PSKH1: variants seen among roughly 807,000 people sequenced by gnomAD.
The protein encoded by PSKH1 is protein serine kinase H1, also known as serine/threonine-protein kinase H1.
A neutral mutation model predicts 26.7 loss-of-function variants in PSKH1; 12 were observed. The ratio of observed to expected loss-of-function variants is 0.45; its 90% CI spans 0.29 to 0.73. PSKH1 has a LOEUF of 0.73. Ranked by LOEUF, PSKH1 falls within the 30% of genes least tolerant of loss-of-function variation. The probability of loss-of-function intolerance (pLI) is 0.11; values close to 1 mark genes in which losing one functional copy is unlikely to be tolerated. For synonymous variants in PSKH1, 213 were observed against 234.3 expected (o/e 0.91, Z 0.83); for missense variants, 431 against 595.2 (o/e 0.72, Z 2.87).
chr16:67,901,047 G>T (rs1362514345), intron 1 of PSKH1, among the ~76,000 whole-genome samples: 3 of 152,102 alleles, frequency 2.0e-5, no homozygotes, highest in African/African-American at 7.3e-5. Flanking sequence ...GATGTGATGG[G>T]ACTGTGGAGC....
At chr16:67,926,405 A>G (rs1316264305) in intron 2 of PSKH1, among the ~76,000 whole-genome samples, 3 of 152,254 alleles carry the variant, frequency 2.0e-5, no homozygotes, top group Non-Finnish European at 2.9e-5. Context: ...ATACTAAACG[A>G]ACATGAAATT....
intron 1 of PSKH1, among the ~76,000 whole-genome samples, chr16:67,904,174 C>A (rs780673590): frequency 3.3e-5 from 5 of 151,354 alleles, no homozygotes; most frequent in Non-Finnish European, 7.4e-5. Flanking sequence ...TGCCACAATG[C>A]CTGGCTAATT....
At chr16:67,893,980 C>T (rs2058119299) in intron 1 of PSKH1, among the ~76,000 whole-genome samples, 1 of 152,198 alleles carries the variant, frequency 6.6e-6, no homozygotes, top group African/African-American at 2.4e-5. Context: ...GAAACTAGTT[C>T]CTTAGTGCCT....
intron 2 of PSKH1, among the ~76,000 whole-genome samples, chr16:67,926,472 T>A (rs1035918537): frequency 6.6e-5 from 10 of 151,752 alleles, no homozygotes; most frequent in African/African-American, 2.4e-4. Flanking sequence ...TAAGAGGGAG[T>A]CTGAGCAAGT....
At chr16:67,906,275 T>C (rs1277476649) in intron 1 of PSKH1, among the ~76,000 whole-genome samples, 3 of 151,834 alleles carry the variant, frequency 2.0e-5, no homozygotes, top group Admixed American at 6.6e-5. Context: ...TTTCACCATG[T>C]TGGCCTGGCT....
chr16:67,900,582 G>A (rs1188785318), intron 1 of PSKH1, among the ~76,000 whole-genome samples: 1 of 152,150 alleles, frequency 6.6e-6, no homozygotes, highest in Non-Finnish European at 1.5e-5. Context: ...TGGGGAACTA[G>A]GATATTTGGG....
chr16:67,920,021 T>A (rs2058197761), intron 2 of PSKH1, among the ~76,000 whole-genome samples: 1 of 152,182 alleles, frequency 6.6e-6, no homozygotes, highest in African/African-American at 2.4e-5. Context: ...CACAGCTGCC[T>A]TTCATCACTT....
intron 1 of PSKH1, among the ~76,000 whole-genome samples, chr16:67,907,304 A>G (rs1480628916): frequency 6.7e-6 from 1 of 149,340 alleles, no homozygotes; most frequent in Admixed American, 6.7e-5. Context: ...TCTTTTGTCC[A>G]GGCTGGAGTG....
At chr16:67,918,054 T>C (rs1033196244) in intron 2 of PSKH1, among the ~76,000 whole-genome samples, 11 of 152,134 alleles carry the variant, frequency 7.2e-5, no homozygotes, top group African/African-American at 2.7e-4. Context: ...CTGGAGGAGC[T>C]GTTTCTAAAG....
intron 1 of PSKH1, among the ~76,000 whole-genome samples, chr16:67,905,300 T>C (rs1166937691): frequency 6.6e-6 from 1 of 152,136 alleles, no homozygotes; most frequent in Non-Finnish European, 1.5e-5. Context: ...CTGCTGACCT[T>C]CTATAACTTC....
intron 1 of PSKH1, among the ~76,000 whole-genome samples, chr16:67,905,057 A>T (rs113966856): frequency 7.0e-4 from 105 of 150,114 alleles, no homozygotes; most frequent in African/African-American, 2.5e-3. Flanking sequence ...CGATCTCCTG[A>T]CCTCATGATC....
intron 2 of PSKH1, among the ~76,000 whole-genome samples, chr16:67,916,178 G>C (rs2058187356): frequency 6.6e-6 from 1 of 152,236 alleles, no homozygotes. Context: ...CTGTGAGAGA[G>C]AGAGTGTTCC....
At chr16:67,911,145 G>C (rs553545792) in intron 2 of PSKH1, among the ~76,000 whole-genome samples, 3 of 152,348 alleles carry the variant, frequency 2.0e-5, no homozygotes, top group African/African-American at 7.2e-5. Flanking sequence ...GCTTTATGTG[G>C]GAGGGAGGTG....
chr16:67,908,937 C>G lies in PSKH1; in HGVS notation c.188C>G (p.Pro63Arg). 6.2e-7 allele frequency: 1 copy of G among 1,613,936 alleles called. No individual in the cohort carries two copies. The highest frequency in any genetic ancestry group is 8.5e-7 in the Non-Finnish European group (1 of 1,179,890). ...PAASQYAHPCPGPPTAGHTEP... is the reference protein window; with the variant it reads ...PAASQYAHPCRGPPTAGHTEP... ...GCAAGTCAGTATGCACACCCCTGCC[C>G]CGGTCCCCCGACTGCTGGCCACACG... Residue 63 changes from proline to arginine, a missense_variant, in exon 2 of 3, where the codon CCC (proline) becomes CGC (arginine). Physicochemically the swap from Pro to Arg is moderately radical, Grantham distance 103 (BLOSUM62 -2). Transcript: ENST00000291041.
rs763715256 is a variant in PSKH1, at chr16:67,929,190, C to G, written c.*1548C>G. 1 of 152,610 alleles carries G rather than the reference C, an allele frequency of 6.6e-6. No individual in the cohort carries two copies. Among genetic ancestry groups the G allele is most frequent in the Non-Finnish European group, 1.5e-5 (1 of 68,044 alleles). The allele number at this position is 152,610 out of a possible 1,614,324, so 9.5% of individuals were successfully genotyped here. On this transcript the variant is annotated 3_prime_UTR_variant, in exon 3 of 3. Transcript: ENST00000291041. Reference sequence around the variant, plus strand: ...GGCCAGGGCCCAGCTTTGGCCTTAGCTTGACGGCAGGGCCCCTGCCATTGC... The same window carrying G: ...GGCCAGGGCCCAGCTTTGGCCTTAGGTTGACGGCAGGGCCCCTGCCATTGC...
chr16:67,901,701 C>A (rs1680632658), intron 1 of PSKH1, among the ~76,000 whole-genome samples: 1 of 150,144 alleles, frequency 6.7e-6, no homozygotes, highest in South Asian at 2.1e-4. Context: ...ATAGCACAAA[C>A]ACAGCACACT....
intron 1 of PSKH1, among the ~76,000 whole-genome samples, 166 bp downstream of exon 1, chr16:67,893,537 G>C (rs554552350): frequency 6.6e-6 from 1 of 152,370 alleles, no homozygotes; most frequent in South Asian, 2.1e-4. Flanking sequence ...GCCGGGCGAT[G>C]GCTGCTCGGG....
chr16:67,917,233 C>T (rs1288938396), intron 2 of PSKH1, among the ~76,000 whole-genome samples: 1 of 152,212 alleles, frequency 6.6e-6, no homozygotes, highest in Non-Finnish European at 1.5e-5. Context: ...CATAACTTGG[C>T]CATGGTCTCC....
chr16:67,926,616 T>C (rs1272597713), intron 2 of PSKH1, among the ~76,000 whole-genome samples: 1 of 152,102 alleles, frequency 6.6e-6, no homozygotes, highest in East Asian at 1.9e-4. Context: ...GTGGGCTTTA[T>C]GGAGTTCCTC....
Sources: allele counts gnomAD v4.1 joint callset (sites outside exome capture counted in the v4.1 genomes callset), GRCh38; gene constraint gnomAD v4.1.1; transcripts MANE v1.5; gene names NCBI Gene and HGNC (gene_info 2026-07-23, HGNC 2026-07-21).